Variants in RNF115 observed in about 807,000 individuals in gnomAD.
The protein encoded by RNF115 is E3 ubiquitin-protein ligase RNF115.
In RNF115, 31 loss-of-function variants were observed where a neutral mutation model predicts 39.2. The ratio of observed to expected loss-of-function variants is 0.79; its 90% CI spans 0.59 to 1.07. The LOEUF is 1.07. Among genes scored for constraint, RNF115 ranks in the 50% least tolerant of loss-of-function variants. The pLI is 0.00. For missense variants in RNF115, 384 were observed against 381.7 expected, an observed-to-expected ratio of 1.01 and a Z score of -0.05; for synonymous variants, 124 against 131.0, an observed-to-expected ratio of 0.95 and a Z score of 0.37.
intron 8 of RNF115, 150 bp downstream of exon 8, chr1:145,747,845 C>A: frequency 1.7e-6 from 1 of 604,330 alleles, no homozygotes. Context: ...GTTTGCAACC[C>A]TTGGTCAGAA....
At chr1:145,753,535 CAAACACATAT>C (rs1474026027) in intron 4 of RNF115, among the ~76,000 whole-genome samples, 2 of 152,194 alleles carry the variant, frequency 1.3e-5, no homozygotes, top group African/African-American at 4.8e-5. Flanking sequence ...GATTATAACA[CAAACACATAT>C]AAACACACAC....
chr1:145,755,122 G>C (rs1431585923), intron 4 of RNF115, among the ~76,000 whole-genome samples: 2 of 151,882 alleles, frequency 1.3e-5, no homozygotes, highest in African/African-American at 4.8e-5. Flanking sequence ...CGTGCCTATA[G>C]TCTCAGCTAC....
intron 3 of RNF115, among the ~76,000 whole-genome samples, chr1:145,783,826 T>C (rs1345154677): frequency 3.3e-5 from 5 of 149,298 alleles, no homozygotes; most frequent in Non-Finnish European, 7.4e-5. Context: ...CAATGGTTTC[T>C]TTTTTTAAAA....
intron 6 of RNF115, 145 bp from the exon 7 acceptor site, chr1:145,750,645 TC>T: frequency 3.2e-6 from 2 of 620,896 alleles, no homozygotes; most frequent in Non-Finnish European, 5.6e-6. Flanking sequence ...GGCTTGGGTT[TC>T]CCCTTTCCTG....
chr1:145,797,044 G>A (rs1334660580), intron 1 of RNF115, among the ~76,000 whole-genome samples: 2 of 152,112 alleles, frequency 1.3e-5, no homozygotes, highest in Admixed American at 6.5e-5. Flanking sequence ...ATGATATCAA[G>A]GAACTGAAAC....
At chr1:145,758,949 G>A (rs781929442) in intron 4 of RNF115, among the ~76,000 whole-genome samples, 1 of 152,180 alleles carries the variant, frequency 6.6e-6, no homozygotes, top group African/African-American at 2.4e-5. Flanking sequence ...GATGTGGAGG[G>A]AAGGAAGATA....
At chr1:145,763,896 C>A in intron 4 of RNF115, among the ~76,000 whole-genome samples, 1 of 134,954 alleles carries the variant, frequency 7.4e-6, no homozygotes, top group Non-Finnish European at 1.6e-5. Context: ...CTCCCCCTCC[C>A]CCTCCCCCTC....
chr1:145,788,776 ACT>A (rs147795554), intron 2 of RNF115, 130 bp downstream of exon 2: 682 of 737,700 alleles, frequency 9.2e-4, no homozygotes, highest in Non-Finnish European at 1.2e-3. Context: ...TCATGCACTC[ACT>A]CTCTCTCTCT....
intron 3 of RNF115, among the ~76,000 whole-genome samples, chr1:145,780,761 C>A (rs1421913095): frequency 1.3e-5 from 2 of 152,050 alleles, no homozygotes; most frequent in Admixed American, 6.6e-5. Flanking sequence ...GCACCCTGCC[C>A]TCTTGTGCAT....
At chr1:145,774,316 G>A (rs1382212705) in intron 3 of RNF115, among the ~76,000 whole-genome samples, 2 of 143,576 alleles carry the variant, frequency 1.4e-5, no homozygotes, top group Non-Finnish European at 3.0e-5. Flanking sequence ...TTTTTTTTTG[G>A]TGTTTTAGAA....
intron 1 of RNF115, among the ~76,000 whole-genome samples, chr1:145,801,743 TTCTC>T (rs1476725336): frequency 1.3e-5 from 2 of 151,970 alleles, no homozygotes; most frequent in Non-Finnish European, 2.9e-5. Flanking sequence ...AGTAACTCAT[TTCTC>T]TCTTTTTCAG....
intron 1 of RNF115, among the ~76,000 whole-genome samples, chr1:145,822,093 G>A (rs1212989867): frequency 2.0e-5 from 3 of 152,120 alleles, no homozygotes; most frequent in South Asian, 2.1e-4. Flanking sequence ...CTGGGAGCCC[G>A]AGTCGGGTGG....
chr1:145,820,859 T>C (rs1159501742), intron 1 of RNF115, among the ~76,000 whole-genome samples: 1 of 148,854 alleles, frequency 6.7e-6, no homozygotes, highest in African/African-American at 2.5e-5. Context: ...AACCATTCAG[T>C]GTATACATAT....
At chr1:145,811,150 G>A (rs1260741175) in intron 1 of RNF115, among the ~76,000 whole-genome samples, 2 of 151,852 alleles carry the variant, frequency 1.3e-5, no homozygotes, top group African/African-American at 4.8e-5. Flanking sequence ...GATTACAGGC[G>A]TAAGCCACCG....
At position 145,819,271 on chromosome 1, in the gene RNF115, CAAAAAAAAAAAAAAAA is replaced by C. The variant is rs59058505; in HGVS notation, c.102+4485_102+4500del. ...GGCAACATGACGAAACCTTATCTCTCAAAAAAAAAAAAAAAAAAAAAAAAAAAAACAGCCAGGTGTG... is the reference window on the plus strand; with the variant it reads ...GGCAACATGACGAAACCTTATCTCTCAAAAAAAAAAAAACAGCCAGGTGTG... On this transcript the variant is annotated intron_variant, in intron 1 of 8. Transcript: ENST00000582693. Among the ~76,000 whole-genome samples the C allele has an allele frequency of 4.0e-4, 21 of 52,296 alleles. No homozygotes were observed. The South Asian group carries it at 0.018, about 46-fold the overall frequency. The allele number at this position is 52,296 out of a possible 152,430, so 34.3% of individuals were successfully genotyped here. A position where few individuals can be genotyped will look rare whatever the true frequency, so the allele number is the denominator to read the frequency against.
intron 1 of RNF115, among the ~76,000 whole-genome samples, chr1:145,819,657 A>G (rs1334149265): frequency 1.3e-5 from 2 of 152,226 alleles, no homozygotes; most frequent in African/African-American, 4.8e-5. Flanking sequence ...CACAATGAAA[A>G]AAGAAAACTC....
rs868923143 is a variant in RNF115 at position 145,743,830 on chromosome 1, T to C, written c.*3036A>G. On this transcript the variant is annotated 3_prime_UTR_variant, in exon 9 of 9. Transcript: ENST00000582693. ...AATAAATAAATAATAATAATAATAATAATAAATCCCTGAAGAATCCTAACT... is the reference window on the plus strand; with the variant it reads ...AATAAATAAATAATAATAATAATAACAATAAATCCCTGAAGAATCCTAACT... 1.3e-5 allele frequency: 2 copies of C among 149,152 alleles called. No homozygotes were observed. Among genetic ancestry groups the C allele is most frequent in the African/African-American group, 4.9e-5 (2 of 40,662 alleles). 9.2% of individuals were successfully genotyped at this position (149,152 alleles called of 1,614,324 possible).
Position 145,764,277 on chromosome 1 carries a change from C to T in RNF115, c.428+7434G>A, listed in dbSNP as rs587766292. Among the ~76,000 whole-genome samples the T allele has an allele frequency of 1.7e-4, 26 of 152,370 alleles. No individual in the cohort carries two copies. In the South Asian group the frequency reaches 5.4e-3, roughly 32 times the overall value. On this transcript the variant is annotated intron_variant, in intron 4 of 8. Transcript: ENST00000582693. The stretch of plus-strand genomic sequence containing the variant: ...CTCGGCTCGCTACAACCTCCACCTC[C>T]CAGCCGCCTGCCTTGGCCTCCTAAA...
At chr1:145,803,492 C>G (rs1199853397) in intron 1 of RNF115, among the ~76,000 whole-genome samples, 2 of 152,160 alleles carry the variant, frequency 1.3e-5, no homozygotes, top group East Asian at 1.9e-4. Context: ...CAGGCTGAAG[C>G]AATTCTCCCA....
Sources: allele counts gnomAD v4.1 joint callset (sites outside exome capture counted in the v4.1 genomes callset), GRCh38; gene constraint gnomAD v4.1.1; transcripts MANE v1.5; gene names NCBI Gene and HGNC (gene_info 2026-07-23, HGNC 2026-07-21).